The following IGFL1 variants were observed in gnomAD, a reference collection of about 807,000 sequenced individuals.
IGFL1 encodes insulin growth factor-like family member 1.
A neutral mutation model predicts 16.0 loss-of-function variants in IGFL1; 16 were observed. That is an observed-to-expected ratio of 1.00 (90% confidence interval 0.68 to 1.52). IGFL1 has a LOEUF of 1.52. IGFL1 is among the 40% of genes most tolerant of loss of function. IGFL1 has a pLI of 0.00. For synonymous variants in IGFL1, 59 were observed against 54.0 expected (o/e 1.09, Z -0.41); for missense variants, 149 against 141.7 (o/e 1.05, Z -0.26).
chr19:46,230,869 C>T lies in IGFL1; in HGVS notation c.*39C>T, dbSNP rs552121582. The T allele has an allele frequency of 6.3e-7, 1 of 1,590,204 alleles. No individual in the cohort carries two copies. Among genetic ancestry groups the T allele is most frequent in the East Asian group, 2.2e-5 (1 of 44,470 alleles). ...GAACGATGACTCCTGGATTCTCCTT[C>T]CTGGGTGGGCCTGGAGAAAGAGGCT... On this transcript the variant is annotated 3_prime_UTR_variant, in exon 4 of 4. Coordinates refer to ENST00000437936, the MANE Select transcript of IGFL1 (RefSeq NM_198541.2).
Position 46,230,477 on chromosome 19 carries a change from T to C in IGFL1, c.283T>C (p.Cys95Arg). 1.9e-6 allele frequency: 3 copies of C among 1,614,040 alleles called. No homozygotes were observed. The Middle Eastern group carries it at 4.9e-4, about 266-fold the overall frequency. Reference sequence around the variant, plus strand: ...CATGGTGAAGCTGATAAACCAGAACTGCGACTCAGCCCGGACCTCGGATGA... The same window carrying C: ...CATGGTGAAGCTGATAAACCAGAACCGCGACTCAGCCCGGACCTCGGATGA... ...TFMVKLINQN[C>R]DSARTSDDRL... The change falls in exon 3 of 4, where the codon TGC (cysteine) becomes CGC (arginine). Residue 95 changes from cysteine to arginine, a missense_variant. Coordinates refer to ENST00000437936, the MANE Select transcript of IGFL1 (RefSeq NM_198541.2).
rs1267688004 is a variant in IGFL1 at position 46,230,532 on chromosome 19, C to T, written c.323+15C>T. On this transcript the variant is annotated intron_variant, in intron 3 of 3. Coordinates refer to ENST00000437936, the MANE Select transcript of IGFL1 (RefSeq NM_198541.2). ...CTTTGTCGCAGGTGAGTCCTGTCCC[C>T]TCCGTGGGATTGTGGGTGCAGGGTA... is the stretch of plus-strand genomic sequence containing the variant. 3 of 1,612,324 alleles carry T rather than the reference C, an allele frequency of 1.9e-6. No individual in the cohort carries two copies. Among genetic ancestry groups the T allele is most frequent in the Non-Finnish European group, 2.5e-6 (3 of 1,179,032 alleles).
Position 46,230,396 on chromosome 19 carries a change from A to G in IGFL1, c.202A>G (p.Thr68Ala), listed in dbSNP as rs1298109745. The change falls in exon 3 of 4, where the codon ACG (threonine) becomes GCG (alanine). Residue 68 changes from threonine (T) to alanine (A), a missense_variant. Coordinates refer to ENST00000437936, the MANE Select transcript of IGFL1 (RefSeq NM_198541.2). ...DAVVPLARTQ[T>A]CGNCTFRVCF... ...CGTCGTGCCCTTGGCCAGGACCCAG[A>G]CGTGTGGAAACTGCACCTTCAGAGT... 1.9e-6 allele frequency: 3 copies of G among 1,613,910 alleles called. No homozygotes were observed. The highest frequency in any genetic ancestry group is 1.7e-6 in the Non-Finnish European group (2 of 1,179,902).
rs889729996 is a variant in IGFL1 at position 46,230,461 on chromosome 19, G to C, written c.267G>C (p.Lys89Asn). Residue 89 changes from lysine (K) to asparagine (N), a missense_variant, in exon 3 of 4, where the codon AAG (lysine) becomes AAC (asparagine). Lys to Asn is a moderately conservative substitution (Grantham distance 94). Transcript: ENST00000437936. ...GCTGCCCCTGGACCTTCATGGTGAA[G>C]CTGATAAACCAGAACTGCGACTCAG... ...EQCCPWTFMV[K>N]LINQNCDSAR... 1.2e-6 allele frequency: 2 copies of C among 1,613,936 alleles called. No individual in the cohort carries two copies. The highest frequency in any genetic ancestry group is 2.7e-5 in the African/African-American group (2 of 74,940).
In IGFL1 at chr19:46,229,794, TCGTAG is replaced by T. The variant is rs1427441553; in HGVS notation, c.21_25del (p.Val8CysfsTer48). ...AGAGCCATGGCTCCCCGAGGCTGCA[TCGTAG>T]GTAAGGAGGACAGGACCCCATTCCC... On this transcript the variant is annotated frameshift_variant and splice_region_variant, in exon 1 of 4. Transcript: ENST00000437936. LOFTEE classifies it high-confidence loss of function. 6.2e-7 allele frequency: 1 copy of T among 1,607,272 alleles called. No homozygotes were observed. Among genetic ancestry groups the T allele is most frequent in the Non-Finnish European group, 8.5e-7 (1 of 1,177,274 alleles).
At chr19:46,230,183 A>G in intron 2 of IGFL1, 22 bp downstream of exon 2, 1 of 1,613,806 alleles carries the variant, frequency 6.2e-7, no homozygotes, top group Non-Finnish European at 8.5e-7. Flanking sequence ...AGTGTTTGGG[A>G]AGCTGGAGGA....
Position 46,230,532 on chromosome 19 carries a change from C to G in IGFL1, c.323+15C>G. The G allele has an allele frequency of 6.2e-7, 1 of 1,612,324 alleles. No individual in the cohort carries two copies. Among genetic ancestry groups the G allele is most frequent in the Non-Finnish European group, 8.5e-7 (1 of 1,179,032 alleles). On this transcript the variant is annotated intron_variant, in intron 3 of 3. Coordinates refer to ENST00000437936, the MANE Select transcript of IGFL1 (RefSeq NM_198541.2). ...CTTTGTCGCAGGTGAGTCCTGTCCCCTCCGTGGGATTGTGGGTGCAGGGTA... is the reference window on the plus strand; with the variant it reads ...CTTTGTCGCAGGTGAGTCCTGTCCCGTCCGTGGGATTGTGGGTGCAGGGTA...
chr19:46,230,778 C>T, intron 3 of IGFL1, 43 bp from the exon 4 acceptor site: 3 of 1,607,848 alleles, frequency 1.9e-6, no homozygotes, highest in Non-Finnish European at 2.6e-6. Context: ...CATCTCTGGC[C>T]ATCTCTGTCC....
At position 46,230,341 on chromosome 19, in the gene IGFL1, C is replaced by A; in HGVS notation, c.147C>A (p.Asp49Glu). Residue 49 changes from aspartate (D) to glutamate (E), a missense_variant, in exon 3 of 4, where the codon GAC (aspartate) becomes GAA (glutamate). Coordinates refer to ENST00000437936, the MANE Select transcript of IGFL1 (RefSeq NM_198541.2). ...AGAGATGTGGGGACAAGTTCTACGA[C>A]CCCCTGCAGCACTGTTGCTATGATG... ...PHKRCGDKFY[D>E]PLQHCCYDDA... 2 of 1,614,038 alleles carry A rather than the reference C, an allele frequency of 1.2e-6. No individual in the cohort carries two copies. Among genetic ancestry groups the A allele is most frequent in the Non-Finnish European group, 1.7e-6 (2 of 1,179,904 alleles).
Position 46,230,923 on chromosome 19 carries a change from T to A in IGFL1, c.*93T>A. On this transcript the variant is annotated 3_prime_UTR_variant, in exon 4 of 4. Coordinates refer to ENST00000437936, the MANE Select transcript of IGFL1 (RefSeq NM_198541.2). ...GTTACCTGAGATCTGGGATGCTGAG[T>A]GGCTGTTTGGGGGCCAGAGAAACAC... 7.7e-7 allele frequency: 1 copy of A among 1,299,528 alleles called. No homozygotes were observed. Among genetic ancestry groups the A allele is most frequent in the Non-Finnish European group, 1.1e-6 (1 of 913,744 alleles). The allele number at this position is 1,299,528 out of a possible 1,614,324, so 80.5% of individuals were successfully genotyped here.
At position 46,230,277 on chromosome 19, in the gene IGFL1, C is replaced by T. The variant is rs969727974; in HGVS notation, c.83C>T (p.Ala28Val). ...RLLCSHGAPV[A>V]PMTPYLMLCQ... Reference sequence around the variant, plus strand: ...TCACCAGCTCTGTCTCCTCCAGTGGCCCCCATGACTCCTTACCTGATGCTG... The same window carrying T: ...TCACCAGCTCTGTCTCCTCCAGTGGTCCCCATGACTCCTTACCTGATGCTG... Residue 28 changes from alanine (A) to valine (V), a missense_variant, in exon 3 of 4, where the codon GCC (alanine) becomes GTC (valine). Physicochemically the swap from Ala to Val is moderately conservative, Grantham distance 64. Transcript: ENST00000437936. The T allele has an allele frequency of 6.2e-7, 1 of 1,613,900 alleles. No homozygotes were observed. The highest frequency in any genetic ancestry group is 8.5e-7 in the Non-Finnish European group (1 of 1,179,856).
intron 3 of IGFL1, 27 bp downstream of exon 3, chr19:46,230,544 G>T (rs752646328): frequency 6.2e-7 from 1 of 1,611,146 alleles, no homozygotes; most frequent in East Asian, 2.2e-5. Flanking sequence ...CCGTGGGATT[G>T]TGGGTGCAGG....
rs757887214 is a variant in IGFL1 at position 46,230,140 on chromosome 19, C to T, written c.58C>T (p.Leu20Phe). The stretch of plus-strand genomic sequence containing the variant: ...TGCCATTTTCTGCATCTCCAGGCTC[C>T]TCTGCTCACACGGAGCCCCAGGTGA... ...VFAIFCISRL[L>F]CSHGAPVAPM... The change falls in exon 2 of 4, where the codon CTC (leucine) becomes TTC (phenylalanine). Residue 20 changes from leucine (L) to phenylalanine (F), a missense_variant. By Grantham distance (22) the Leu-to-Phe change is conservative. Transcript: ENST00000437936. The T allele has an allele frequency of 8.1e-6, 13 of 1,613,952 alleles. No individual in the cohort carries two copies. The South Asian group carries it at 1.4e-4, about 18-fold the overall frequency.
chr19:46,230,151 C>G lies in IGFL1; in HGVS notation c.69C>G (p.His23Gln), dbSNP rs758857747. 1 of 1,613,920 alleles carries G rather than the reference C, an allele frequency of 6.2e-7. No individual in the cohort carries two copies. Among genetic ancestry groups the G allele is most frequent in the Non-Finnish European group, 8.5e-7 (1 of 1,179,840 alleles). Residue 23 changes from histidine (H) to glutamine (Q), a missense_variant, in exon 2 of 4, where the codon CAC becomes CAG. Physicochemically the swap from His to Gln is conservative, Grantham distance 24. Transcript: ENST00000437936. ...IFCISRLLCS[H>Q]GAPVAPMTPY... ...GCATCTCCAGGCTCCTCTGCTCACA[C>G]GGAGCCCCAGGTGAGCCCAGGAGTG...
chr19:46,230,672 T>C, intron 3 of IGFL1, 149 bp from the exon 4 acceptor site: 4 of 1,379,004 alleles, frequency 2.9e-6, no homozygotes, highest in Non-Finnish European at 4.1e-6. Flanking sequence ...TCTCCATCCA[T>C]TTTTATTTCC....
chr19:46,229,960 G>T, intron 1 of IGFL1, 148 bp from the exon 2 acceptor site: 2 of 1,212,924 alleles, frequency 1.6e-6, no homozygotes, highest in Non-Finnish European at 1.2e-6. Context: ...ATAGTGCCCA[G>T]ATCAGCCCCA....
At position 46,230,059 on chromosome 19, in the gene IGFL1, A is replaced by T. The variant is rs772461138; in HGVS notation, c.26-49A>T. On this transcript the variant is annotated intron_variant, in intron 1 of 3. Transcript: ENST00000437936. ...CTTCTTCTAAATGTCAGTGCCAGTCATATCTGTGGCTGTCCACTCACCCCA... is the reference window on the plus strand; with the variant it reads ...CTTCTTCTAAATGTCAGTGCCAGTCTTATCTGTGGCTGTCCACTCACCCCA... 4 of 1,592,448 alleles carry T rather than the reference A, an allele frequency of 2.5e-6. No individual in the cohort carries two copies. The East Asian group carries it at 8.9e-5, about 36-fold the overall frequency.
chr19:46,229,872 C>T, intron 1 of IGFL1, 73 bp downstream of exon 1: 1 of 1,496,758 alleles, frequency 6.7e-7, no homozygotes, highest in African/African-American at 1.4e-5. Context: ...TCTCTCCCTA[C>T]CCCAAACTAC....
intron 3 of IGFL1, 32 bp from the exon 4 acceptor site, chr19:46,230,789 C>A: frequency 6.2e-7 from 1 of 1,610,386 alleles, no homozygotes; most frequent in Non-Finnish European, 8.5e-7. Context: ...ATCTCTGTCC[C>A]GCTCAGTGTC....
Sources: allele counts gnomAD v4.1 joint callset, GRCh38; gene constraint gnomAD v4.1.1; transcripts MANE v1.5; gene names NCBI Gene and HGNC (gene_info 2026-07-23, HGNC 2026-07-21).